Variants in RUNDC3A observed in about 807,000 individuals in gnomAD.
RUNDC3A encodes RUN domain-containing protein 3A.
A neutral mutation model predicts 53.9 loss-of-function variants in RUNDC3A; 28 were observed. The ratio of observed to expected loss-of-function variants is 0.52; its 90% CI spans 0.38 to 0.71. The LOEUF (loss-of-function observed/expected upper bound fraction) is 0.71. Among genes scored for constraint, RUNDC3A ranks in the 30% least tolerant of loss-of-function variants. The probability of loss-of-function intolerance (pLI) is 0.00; values close to 1 mark genes in which losing one functional copy is unlikely to be tolerated. For synonymous variants in RUNDC3A, 232 were observed against 249.4 expected (o/e 0.93, Z 0.66); for missense variants, 491 against 597.3 (o/e 0.82, Z 1.85).
chr17:44,314,312 G>A, intron 4 of RUNDC3A: 2 of 1,023,202 alleles, frequency 2.0e-6, no homozygotes, highest in African/African-American at 1.7e-5. Context: ...CTGTCTGGGT[G>A]TGGCGGGGGG....
chr17:44,309,309 C>T (rs1016925899), intron 1 of RUNDC3A, among the ~76,000 whole-genome samples: 2 of 152,162 alleles, frequency 1.3e-5, no homozygotes, highest in African/African-American at 4.8e-5. Flanking sequence ...GATGAATGCC[C>T]TCCAAGCATA....
rs1256338161 is a variant in RUNDC3A at position 44,318,211 on chromosome 17, G to A, written c.1314G>A (p.Glu438=). ...AGTGCCTGGTGAGCGACAGTCCCGA[G>A]GGCAGCCCAGCACTGAGCCCCAGCT... ...SNECLVSDSP[E]GSPALSPS is the part of the protein sequence containing the mutation. The change falls in exon 11 of 11, where the codon GAG becomes GAA. Residue 438 remains glutamate, a synonymous_variant. Coordinates refer to ENST00000426726, the MANE Select transcript of RUNDC3A (RefSeq NM_001144825.2). 3 of 1,551,190 alleles carry A rather than the reference G, an allele frequency of 1.9e-6. No individual in the cohort carries two copies. Among genetic ancestry groups the A allele is most frequent in the South Asian group, 1.2e-5 (1 of 84,066 alleles).
chr17:44,314,687 G>GTT, intron 4 of RUNDC3A, 48 bp from the exon 5 acceptor site: 2 of 1,135,012 alleles, frequency 1.8e-6, no homozygotes, highest in Non-Finnish European at 2.5e-6. Flanking sequence ...GGGGGGGGGG[G>GTT]GCGCTCCAGG....
intron 10 of RUNDC3A, 38 bp from the exon 11 acceptor site, chr17:44,318,058 A>G: frequency 6.5e-7 from 1 of 1,545,436 alleles, no homozygotes; most frequent in East Asian, 2.5e-5. Context: ...CCACACATGT[A>G]GACTGGTCGC....
At chr17:44,317,645 C>G (rs2047895300) in intron 10 of RUNDC3A, 4 of 711,480 alleles carry the variant, frequency 5.6e-6, no homozygotes, top group Non-Finnish European at 1.0e-5. Flanking sequence ...AGCAACCACA[C>G]TGTATTGGAT....
In RUNDC3A at chr17:44,318,162, C is replaced by T; in HGVS notation, c.1265C>T (p.Ser422Phe). 6.4e-7 allele frequency: 1 copy of T among 1,551,540 alleles called. No homozygotes were observed. Among genetic ancestry groups the T allele is most frequent in the Non-Finnish European group, 8.7e-7 (1 of 1,146,990 alleles). ...CTGGCCTCCATTCCCAGCTGCAAGT[C>T]CCTGGCGAGCTTCAAATCCAACGAG... The part of the protein sequence containing the change: ...GSLASIPSCK[S>F]LASFKSNECL... Residue 422 changes from serine to phenylalanine, a missense_variant, in exon 11 of 11, where the codon TCC (serine) becomes TTC (phenylalanine). Ser to Phe is a radical substitution (Grantham distance 155, BLOSUM62 -2). Coordinates refer to ENST00000426726, the MANE Select transcript of RUNDC3A (RefSeq NM_001144825.2).
Position 44,315,621 on chromosome 17 carries a change from G to A in RUNDC3A, c.953+12G>A, listed in dbSNP as rs2047846807. On this transcript the variant is annotated intron_variant, in intron 8 of 10. Coordinates refer to ENST00000426726, the MANE Select transcript of RUNDC3A (RefSeq NM_001144825.2). This position sits in a 1 kb window ranked among gnomAD's most constrained non-coding sequence, Gnocchi z 6.1. ...CTGCAGGAGCAGCTGTGAGCGCACG[G>A]CCTGCCCTAACCCCTGACCCCCGCC... The A allele has an allele frequency of 6.9e-7, 1 of 1,456,682 alleles. No individual in the cohort carries two copies. Among genetic ancestry groups the A allele is most frequent in the Non-Finnish European group, 9.1e-7 (1 of 1,098,358 alleles). The allele number at this position is 1,456,682 out of a possible 1,614,324, so 90.2% of individuals were successfully genotyped here.
At position 44,317,450 on chromosome 17, in the gene RUNDC3A, C is replaced by T. The variant is rs375082230; in HGVS notation, c.1199-646C>T. On this transcript the variant is annotated intron_variant, in intron 10 of 10. Transcript: ENST00000426726. ...CTCATGCACACTGTGAACTACTTGC[C>T]TGACCATTGTTTCCCCCTTCTCTTT... The T allele has an allele frequency of 3.1e-5, 24 of 780,738 alleles. No individual in the cohort carries two copies. The African/African-American group carries it at 3.9e-4, about 13-fold the overall frequency. The allele number at this position is 780,738 out of a possible 1,614,324, so 48.4% of individuals were successfully genotyped here.
chr17:44,310,273 C>A (rs560511706), intron 1 of RUNDC3A, among the ~76,000 whole-genome samples: 1 of 152,344 alleles, frequency 6.6e-6, no homozygotes, highest in East Asian at 1.9e-4. Context: ...CACAGCCACA[C>A]CAAAGAATGA....
intron 10 of RUNDC3A, 196 bp downstream of exon 10, chr17:44,316,921 C>T (rs1598331926): frequency 2.0e-6 from 1 of 496,456 alleles, no homozygotes; most frequent in East Asian, 3.2e-5. Flanking sequence ...CTCCCGGGTT[C>T]AAGGGATTCC....
At position 44,315,567 on chromosome 17, in the gene RUNDC3A, A is replaced by C. The variant is rs2092146730; in HGVS notation, c.911A>C (p.Lys304Thr). The change falls in exon 8 of 11, where the codon AAA becomes ACA. Residue 304 changes from lysine to threonine, a missense_variant. Coordinates refer to ENST00000426726, the MANE Select transcript of RUNDC3A (RefSeq NM_001144825.2). This position sits in a 1 kb window ranked among gnomAD's most constrained non-coding sequence, Gnocchi z 6.1. ...GCGGCGGCGCAGAACCAGCGCGAGAAACGGGAGCTGGAAGGCGTGATCCTG... is the reference window on the plus strand; with the variant it reads ...GCGGCGGCGCAGAACCAGCGCGAGACACGGGAGCTGGAAGGCGTGATCCTG... Reference protein sequence around the residue: ...EEAAAQNQREKRELEGVILEL... With the variant: ...EEAAAQNQRETRELEGVILEL... The C allele has an allele frequency of 6.6e-7, 1 of 1,512,458 alleles. No individual in the cohort carries two copies. Among genetic ancestry groups the C allele is most frequent in the Admixed American group, 2.1e-5 (1 of 46,614 alleles). The allele number at this position is 1,512,458 out of a possible 1,614,324, so 93.7% of individuals were successfully genotyped here.
rs2047784659 is a variant in RUNDC3A at position 44,313,237 on chromosome 17, C to T, written c.357C>T (p.Ser119=). The T allele has an allele frequency of 6.8e-6, 11 of 1,614,004 alleles. No individual in the cohort carries two copies. The East Asian group carries it at 2.5e-4, about 36-fold the overall frequency. ...VSSIENMENI[S]TARAKGRAWI... ...GCATCGAGAACATGGAGAACATCAG[C>T]ACAGCCCGGGCCAAGGTGAGGGGCC... is the stretch of plus-strand genomic sequence containing the variant. The change falls in exon 3 of 11, where the codon AGC becomes AGT. Residue 119 remains serine (S), a synonymous_variant. Transcript: ENST00000426726.
chr17:44,318,590 C>T lies in RUNDC3A; in HGVS notation c.*352C>T. On this transcript the variant is annotated 3_prime_UTR_variant, in exon 11 of 11. Coordinates refer to ENST00000426726, the MANE Select transcript of RUNDC3A (RefSeq NM_001144825.2). ...CCCCACCTCCCAGTCTCTAGCCTCTCCATCTGTCTGTGTATGGCCTGGAGT... is the reference window on the plus strand; with the variant it reads ...CCCCACCTCCCAGTCTCTAGCCTCTTCATCTGTCTGTGTATGGCCTGGAGT... 1 of 278,236 alleles carries T rather than the reference C, an allele frequency of 3.6e-6. No homozygotes were observed. Among genetic ancestry groups the T allele is most frequent in the Non-Finnish European group, 7.0e-6 (1 of 142,834 alleles). 17.2% of individuals were successfully genotyped at this position (278,236 alleles called of 1,614,324 possible). A position where few individuals can be genotyped will look rare whatever the true frequency, so the allele number is the denominator to read the frequency against.
At position 44,308,656 on chromosome 17, in the gene RUNDC3A, C is replaced by T. The variant is rs1598319536; in HGVS notation, c.-177C>T. On this transcript the variant is annotated 5_prime_UTR_variant, in exon 1 of 11. Coordinates refer to ENST00000426726, the MANE Select transcript of RUNDC3A (RefSeq NM_001144825.2). ...CCCCGGCCTTGTTTTGCTCTGGCAT[C>T]GCCGCCGGGGGAGGGAGCGAGGGGG... 11 of 468,226 alleles carry T rather than the reference C, an allele frequency of 2.3e-5. No homozygotes were observed. In the East Asian group the frequency reaches 3.1e-4, roughly 13 times the overall value. 29.0% of individuals were successfully genotyped at this position (468,226 alleles called of 1,614,324 possible).
intron 10 of RUNDC3A, chr17:44,317,354 T>C (rs2047888024): frequency 1.4e-6 from 1 of 724,374 alleles, no homozygotes; most frequent in Non-Finnish European, 2.6e-6. Context: ...GGCTCAGTGG[T>C]TTTTTAGTGT....
At chr17:44,314,638 C>T in intron 4 of RUNDC3A, 97 bp from the exon 5 acceptor site, 2 of 1,428,342 alleles carry the variant, frequency 1.4e-6, no homozygotes, top group Non-Finnish European at 1.9e-6. Context: ...GGCCTTCCTT[C>T]AGGATGGGGT....
intron 10 of RUNDC3A, chr17:44,317,230 T>C (rs1029943849): frequency 6.8e-6 from 4 of 588,716 alleles, no homozygotes; most frequent in Non-Finnish European, 9.1e-6. Flanking sequence ...GAACCCAGCA[T>C]AAATCTGGCT....
intron 2 of RUNDC3A, 28 bp downstream of exon 2, chr17:44,312,723 T>TCCCTCCCCCAGCGC: frequency 2.0e-6 from 2 of 1,005,074 alleles, no homozygotes; most frequent in Non-Finnish European, 2.6e-6. Flanking sequence ...CCCCCAGCGG[T>TCCCTCCCCCAGCGC]CCCTCCCCCA....
intron 4 of RUNDC3A, chr17:44,314,091 C>G: frequency 2.0e-6 from 2 of 993,390 alleles, no homozygotes; most frequent in Non-Finnish European, 2.4e-6. Context: ...CTCAGCCATG[C>G]ACCATCTCAA....
Sources: allele counts gnomAD v4.1 joint callset (sites outside exome capture counted in the v4.1 genomes callset), GRCh38; gene constraint gnomAD v4.1.1; non-coding constraint Gnocchi (gnomAD v3.1); transcripts MANE v1.5; gene names NCBI Gene and HGNC (gene_info 2026-07-23, HGNC 2026-07-21).